Variants in ACKR3 observed in about 807,000 individuals in gnomAD.
ACKR3 encodes the protein C-X-C chemokine receptor type 7.
A neutral mutation model predicts 22.4 loss-of-function variants in ACKR3; 6 were observed. The observed-to-expected ratio is 0.27, with a 90% CI of 0.15 to 0.53. The LOEUF is 0.53. Among genes scored for constraint, ACKR3 ranks in the 20% least tolerant of loss-of-function variants. The pLI, the probability that ACKR3 is intolerant of heterozygous loss-of-function variation, is 0.96. For missense variants in ACKR3, 396 were observed against 475.2 expected, an observed-to-expected ratio of 0.83 and a Z score of 1.55; for synonymous variants, 209 against 205.2, an observed-to-expected ratio of 1.02 and a Z score of -0.16.
chr2:236,549,965 A>C, the ACKR3 span, among the ~76,000 whole-genome samples: 1 of 152,296 alleles, frequency 6.6e-6, no homozygotes, highest in East Asian at 1.9e-4. This position sits in a 1 kb window ranked among gnomAD's most constrained non-coding sequence, Gnocchi z 5.3. Flanking sequence ...TGTTTCTGAC[A>C]TCCCCAACTG....
At chr2:236,567,607 GCCAAGTTCAGGCC>G (rs1691212493), upstream of ACKR3, among the ~76,000 whole-genome samples, 1 of 150,614 alleles carries the variant, frequency 6.6e-6, no homozygotes, top group South Asian at 2.1e-4. Flanking sequence ...CAAGGAGACA[GCCAAGTTCAGGCC>G]CCAAGCACCC....
chr2:236,577,838 T>C lies in ACKR3; in HGVS notation c.-26-2602T>C, dbSNP rs1369485162. On this transcript the variant is annotated intron_variant, in intron 1 of 1. Coordinates refer to ENST00000272928, the MANE Select transcript of ACKR3 (RefSeq NM_020311.3). This position sits in a 1 kb window ranked among gnomAD's most constrained non-coding sequence, Gnocchi z 5.6. ...AGCTTCTGCTGTGTGGCTGTGCCAG[T>C]GGGGACAGAGCAGGGAGCCCAAGCC... 1.3e-5 allele frequency among the ~76,000 whole-genome samples: 2 copies of C among 152,254 alleles called. No individual in the cohort carries two copies. Among genetic ancestry groups the C allele is most frequent in the East Asian group, 3.9e-4 (2 of 5,162 alleles).
At chr2:236,553,403 T>G in the ACKR3 span, among the ~76,000 whole-genome samples, 1 of 152,232 alleles carries the variant, frequency 6.6e-6, no homozygotes, top group Non-Finnish European at 1.5e-5. Context: ...TAAGGGGAAC[T>G]CTTTAATTTT....
At chr2:236,578,852 G>A (rs115722148) in intron 1 of ACKR3, among the ~76,000 whole-genome samples, 2,257 of 152,332 alleles carry the variant, frequency 0.015, 52 homozygotes, top group African/African-American at 0.05. Context: ...AATTAAACAA[G>A]GTTCTGCTTT....
At chr2:236,548,729 G>A in the ACKR3 span, among the ~76,000 whole-genome samples, 1 of 152,354 alleles carries the variant, frequency 6.6e-6, no homozygotes, top group Admixed American at 6.5e-5. The surrounding 1 kb of genome is among the most constrained non-coding windows in gnomAD (Gnocchi z 4.3). Context: ...ATGGAGCATT[G>A]TTTGAAGAGA....
chr2:236,540,030 A>G, the ACKR3 span, among the ~76,000 whole-genome samples: 32 of 152,324 alleles, frequency 2.1e-4, no homozygotes, highest in African/African-American at 7.7e-4. Flanking sequence ...TTACATTTCA[A>G]GGTGAGATTT....
chr2:236,561,158 G>T, the ACKR3 span, among the ~76,000 whole-genome samples: 1 of 152,170 alleles, frequency 6.6e-6, no homozygotes, highest in Admixed American at 6.5e-5. Context: ...GAGTTTGGGG[G>T]ATGGGAATTA....
chr2:236,554,025 C>T, the ACKR3 span, among the ~76,000 whole-genome samples: 1 of 152,176 alleles, frequency 6.6e-6, no homozygotes, highest in African/African-American at 2.4e-5. Context: ...GGACACAGTA[C>T]ACCAGGAGTG....
Position 236,576,327 on chromosome 2 carries a change from C to A in ACKR3, c.-26-4113C>A, listed in dbSNP as rs143535178. Among the ~76,000 whole-genome samples the A allele has an allele frequency of 8.5e-5, 13 of 152,356 alleles. No homozygotes were observed. The East Asian group carries it at 2.5e-3, about 29-fold the overall frequency. On this transcript the variant is annotated intron_variant, in intron 1 of 1. Coordinates refer to ENST00000272928, the MANE Select transcript of ACKR3 (RefSeq NM_020311.3). ...GACCCGAGGGCTGGCCCATCCAGAT[C>A]TGTGCGGAATGCAGTCAGCTCTTTC...
At chr2:236,561,117 C>G in the ACKR3 span, among the ~76,000 whole-genome samples, 1 of 152,120 alleles carries the variant, frequency 6.6e-6, no homozygotes, top group Non-Finnish European at 1.5e-5. Context: ...CTCATAGAAT[C>G]AAAGAGTGGA....
the ACKR3 span, among the ~76,000 whole-genome samples, chr2:236,560,509 G>A: frequency 5.9e-5 from 9 of 152,068 alleles, no homozygotes; most frequent in South Asian, 4.1e-4. Context: ...TCCTTAGCCC[G>A]TTTTTAAATT....
chr2:236,550,290 G>A, the ACKR3 span, among the ~76,000 whole-genome samples: 4 of 152,232 alleles, frequency 2.6e-5, no homozygotes, highest in Non-Finnish European at 4.4e-5. The surrounding 1 kb of genome is among the most constrained non-coding windows in gnomAD (Gnocchi z 4.6). Flanking sequence ...TTTGCAAGAC[G>A]AGGTCCGCAT....
chr2:236,580,874 T>C lies in ACKR3; in HGVS notation c.409T>C (p.Cys137Arg). ...NLFGSIFFLT[C>R]MSVDRYLSIT... is the part of the protein sequence containing the mutation. The stretch of plus-strand genomic sequence containing the variant: ...CTTCGGCAGCATTTTCTTCCTCACG[T>C]GCATGAGCGTGGACCGCTACCTCTC... Residue 137 changes from cysteine to arginine, a missense_variant, in exon 2 of 2, where the codon TGC (cysteine) becomes CGC (arginine). Cys to Arg is a radical substitution (Grantham distance 180). Coordinates refer to ENST00000272928, the MANE Select transcript of ACKR3 (RefSeq NM_020311.3). The C allele has an allele frequency of 6.2e-7, 1 of 1,614,184 alleles. No individual in the cohort carries two copies.
the ACKR3 span, among the ~76,000 whole-genome samples, chr2:236,542,281 G>T: frequency 5.9e-5 from 9 of 152,298 alleles, no homozygotes; most frequent in Non-Finnish European, 1.0e-4. Context: ...TATAGACATT[G>T]GCAAGAGCTA....
the ACKR3 span, among the ~76,000 whole-genome samples, chr2:236,540,305 G>C: frequency 6.6e-6 from 1 of 151,194 alleles, no homozygotes; most frequent in Non-Finnish European, 1.5e-5. Context: ...CTTTTCATTT[G>C]CTTAATGACC....
chr2:236,539,790 C>T, the ACKR3 span, among the ~76,000 whole-genome samples: 2 of 152,170 alleles, frequency 1.3e-5, no homozygotes, highest in African/African-American at 2.4e-5. Context: ...ATTTAACTGA[C>T]TCACAGTTCT....
the ACKR3 span, among the ~76,000 whole-genome samples, chr2:236,551,820 G>A: frequency 6.6e-6 from 1 of 152,110 alleles, no homozygotes; most frequent in Non-Finnish European, 1.5e-5. Context: ...TTAGTTCTCT[G>A]AGCCTTGCAT....
At position 236,574,148 on chromosome 2, in the gene ACKR3, G is replaced by A. The variant is rs115047996; in HGVS notation, c.-27+4224G>A. Among the ~76,000 whole-genome samples the A allele has an allele frequency of 9.3e-3, 1,408 of 152,058 alleles. 21 individuals carry two copies. The highest frequency in any genetic ancestry group is 0.03 in the African/African-American group (1,253 of 41,472). On this transcript the variant is annotated intron_variant, in intron 1 of 1. Coordinates refer to ENST00000272928, the MANE Select transcript of ACKR3 (RefSeq NM_020311.3). The surrounding 1 kb of genome is among the most constrained non-coding windows in gnomAD (Gnocchi z 5.6). The stretch of plus-strand genomic sequence containing the variant: ...GATGTTTCTGATTTGTTGTCCTCAC[G>A]TGCCCCAGAGCAGTGCCTCCTGGAA...
the ACKR3 span, among the ~76,000 whole-genome samples, chr2:236,539,814 G>A: frequency 6.6e-6 from 1 of 152,288 alleles, no homozygotes; most frequent in African/African-American, 2.4e-5. Context: ...TGGCTGGAGA[G>A]GCCTTACAAT....
Sources: allele counts gnomAD v4.1 joint callset (sites outside exome capture counted in the v4.1 genomes callset), GRCh38; gene constraint gnomAD v4.1.1; non-coding constraint Gnocchi (gnomAD v3.1); transcripts MANE v1.5; gene names NCBI Gene and HGNC (gene_info 2026-07-23, HGNC 2026-07-21).